Variants in PLCG2 observed in about 807,000 individuals in gnomAD.
The protein encoded by PLCG2 is 1-phosphatidylinositol 4,5-bisphosphate phosphodiesterase gamma-2.
A neutral mutation model predicts 175.6 loss-of-function variants in PLCG2; 69 were observed. That is an observed-to-expected ratio of 0.39 (90% CI 0.32 to 0.48). PLCG2 has a LOEUF of 0.48. Ranked by LOEUF, PLCG2 falls within the 20% of genes least tolerant of loss-of-function variation. PLCG2 has a pLI of 0.91. For synonymous variants in PLCG2, 827 were observed against 624.0 expected (o/e 1.33, Z -4.85); for missense variants, 1,798 against 1,650.9 (o/e 1.09, Z -1.54).
Position 81,961,277 on chromosome 16 carries a change from A to G in PLCG2, c.*3279A>G, listed in dbSNP as rs1260346596. 1.8e-5 allele frequency: 4 copies of G among 225,668 alleles called. No homozygotes were observed. The highest frequency in any genetic ancestry group is 8.9e-5 in the African/African-American group (4 of 44,940). 14.0% of individuals were successfully genotyped at this position (225,668 alleles called of 1,614,324 possible). ...TCCATAAATGAAATTGAAAACGGAA[A>G]ATAGAATTGATGATGAACTTTGGCT... On this transcript the variant is annotated 3_prime_UTR_variant, in exon 33 of 33. Transcript: ENST00000564138.
At chr16:81,874,116 G>C (rs1907653886) in intron 7 of PLCG2, among the ~76,000 whole-genome samples, 1 of 152,064 alleles carries the variant, frequency 6.6e-6, no homozygotes, top group Non-Finnish European at 1.5e-5. Context: ...TTGATCTAAT[G>C]GTTTAAATAT....
chr16:81,910,166 C>G lies in PLCG2; in HGVS notation c.1734-354C>G, dbSNP rs557904954. ...AGTGCAGTGGCGTGATCTCGGCTCA[C>G]TGCAACCTTCGTCTCCCAGGTACAA... On this transcript the variant is annotated intron_variant, in intron 17 of 32. Coordinates refer to ENST00000564138, the MANE Select transcript of PLCG2 (RefSeq NM_002661.5). Among the ~76,000 whole-genome samples, 213 of 152,294 alleles carry G rather than the reference C, an allele frequency of 1.4e-3. 1 individual carries two copies. Among genetic ancestry groups the G allele is most frequent in the African/African-American group, 5.0e-3 (208 of 41,556 alleles).
rs375713675 is a variant in PLCG2 at position 81,912,725 on chromosome 16, G to A, written c.2054+9G>A. ...TATGCCATCACCTTCAGGTGGGTGC[G>A]AGGGTGGGAGGCACATGCTCTACAG... On this transcript the variant is annotated intron_variant, in intron 19 of 32. Transcript: ENST00000564138. The A allele has an allele frequency of 2.5e-5, 39 of 1,589,140 alleles. No individual in the cohort carries two copies. The African/African-American group carries it at 4.0e-4, about 16-fold the overall frequency.
intron 2 of PLCG2, among the ~76,000 whole-genome samples, chr16:81,834,796 C>T (rs1905430358): frequency 6.6e-6 from 1 of 152,194 alleles, no homozygotes; most frequent in Non-Finnish European, 1.5e-5. Context: ...AACCTCCTGC[C>T]AGTCCCCAGA....
chr16:81,920,670 A>C (rs1194279802), intron 20 of PLCG2, among the ~76,000 whole-genome samples: 2 of 152,164 alleles, frequency 1.3e-5, no homozygotes, highest in Non-Finnish European at 2.9e-5. Context: ...AACAGAAAGA[A>C]GAGTTAGAGA....
intron 24 of PLCG2, among the ~76,000 whole-genome samples, chr16:81,929,928 T>C (rs1436313095): frequency 6.6e-6 from 1 of 152,208 alleles, no homozygotes; most frequent in African/African-American, 2.4e-5. Flanking sequence ...GGCACATGGC[T>C]CATTGGTTCT....
chr16:81,847,167 A>G (rs1056544271), intron 2 of PLCG2, among the ~76,000 whole-genome samples: 5 of 152,244 alleles, frequency 3.3e-5, no homozygotes, highest in Non-Finnish European at 5.9e-5. Context: ...AACTAAGGGA[A>G]ACATGTATAC....
intron 2 of PLCG2, among the ~76,000 whole-genome samples, chr16:81,816,062 T>A (rs1302232275): frequency 4.3e-5 from 6 of 140,004 alleles, no homozygotes; most frequent in East Asian, 2.1e-4. Flanking sequence ...ACTTCATCTT[T>A]AAAAAAAAAA....
At chr16:81,861,120 A>G (rs1906959679) in intron 5 of PLCG2, among the ~76,000 whole-genome samples, 1 of 152,174 alleles carries the variant, frequency 6.6e-6, no homozygotes, top group African/African-American at 2.4e-5. Flanking sequence ...CAGGGATTGC[A>G]TTGAGCTCTT....
chr16:81,899,871 A>G (rs1909069396), intron 13 of PLCG2, among the ~76,000 whole-genome samples: 1 of 152,214 alleles, frequency 6.6e-6, no homozygotes, highest in Non-Finnish European at 1.5e-5. Context: ...ACAACGTCAG[A>G]TATTGATTCA....
At chr16:81,762,087 G>A (rs555992176) in intron 2 of PLCG2, among the ~76,000 whole-genome samples, 2 of 151,844 alleles carry the variant, frequency 1.3e-5, no homozygotes, top group African/African-American at 4.8e-5. Context: ...TGTGTACCTC[G>A]TCCTCCCAAA....
chr16:81,740,724 C>CAAAAAAAAAAA (rs746287603), intron 1 of PLCG2: 1 of 27,938 alleles, frequency 3.6e-5, no homozygotes, highest in Admixed American at 4.1e-4. Flanking sequence ...GACTCCATCT[C>CAAAAAAAAAAA]AAAAAAAAAA....
chr16:81,868,296 C>G (rs763761701), intron 5 of PLCG2, among the ~76,000 whole-genome samples: 1 of 148,498 alleles, frequency 6.7e-6, no homozygotes, highest in Non-Finnish European at 1.5e-5. Flanking sequence ...GGCCTTGTTC[C>G]TTCCCACTTC....
At position 81,954,709 on chromosome 16, in the gene PLCG2, T is replaced by C. The variant is rs147601278; in HGVS notation, c.3571-1986T>C. On this transcript the variant is annotated intron_variant, in intron 31 of 32. Coordinates refer to ENST00000564138, the MANE Select transcript of PLCG2 (RefSeq NM_002661.5). ...GCTGCATAGTATTCCATGGTGTATA[T>C]GTACCACATTTTCTTTATCTAGTCT... 3.0e-4 allele frequency among the ~76,000 whole-genome samples: 45 copies of C among 152,352 alleles called. No homozygotes were observed. The East Asian group carries it at 8.3e-3, about 28-fold the overall frequency.
intron 2 of PLCG2, among the ~76,000 whole-genome samples, chr16:81,830,202 C>T (rs1288639677): frequency 3.9e-5 from 6 of 152,050 alleles, no homozygotes; most frequent in Non-Finnish European, 5.9e-5. Flanking sequence ...CATCTGTGGT[C>T]CCAGCTACTT....
chr16:81,949,064 T>G (rs1053371574), intron 31 of PLCG2, among the ~76,000 whole-genome samples: 1 of 152,196 alleles, frequency 6.6e-6, no homozygotes, highest in Non-Finnish European at 1.5e-5. Context: ...AGATCTGCAT[T>G]AGTGACACCA....
intron 2 of PLCG2, among the ~76,000 whole-genome samples, chr16:81,771,891 C>G (rs1910289248): frequency 6.6e-6 from 1 of 152,148 alleles, no homozygotes; most frequent in Non-Finnish European, 1.5e-5. Flanking sequence ...TCAAATGATT[C>G]TCCTGCCTCA....
chr16:81,899,665 C>A (rs1316457293), intron 13 of PLCG2, among the ~76,000 whole-genome samples: 7 of 152,118 alleles, frequency 4.6e-5, no homozygotes, highest in Non-Finnish European at 1.0e-4. Context: ...TCTTGCTGTT[C>A]AAATGGCCCG....
At chr16:81,790,676 A>T (rs757841566) in intron 2 of PLCG2, among the ~76,000 whole-genome samples, 5 of 152,154 alleles carry the variant, frequency 3.3e-5, no homozygotes, top group Non-Finnish European at 5.9e-5. Flanking sequence ...TGACTTTTGG[A>T]CAGGTGTTAC....
Sources: allele counts gnomAD v4.1 joint callset (sites outside exome capture counted in the v4.1 genomes callset), GRCh38; gene constraint gnomAD v4.1.1; transcripts MANE v1.5; gene names NCBI Gene and HGNC (gene_info 2026-07-23, HGNC 2026-07-21).